Variants in CWF19L2 observed in about 807,000 individuals in gnomAD.
The protein encoded by CWF19L2 is CWF19 like cell cycle control factor 2.
A neutral mutation model predicts 111.7 loss-of-function variants in CWF19L2; 98 were observed. That is an observed-to-expected ratio of 0.88 (90% CI 0.75 to 1.04). CWF19L2 has a LOEUF of 1.04. Ranked by LOEUF, CWF19L2 falls within the 50% of genes least tolerant of loss-of-function variation. CWF19L2 has a pLI of 0.00. For missense variants in CWF19L2, 1,101 were observed against 1,051.4 expected (o/e 1.05, Z -0.65); for synonymous variants, 351 against 342.9 (o/e 1.02, Z -0.26).
At chr11:107,375,469 A>C (rs1860584247) in intron 12 of CWF19L2, among the ~76,000 whole-genome samples, 1 of 138,538 alleles carries the variant, frequency 7.2e-6, no homozygotes. Context: ...TAAGAATCTC[A>C]CTCAAAACCG....
At chr11:107,401,059 C>T (rs186617523) in intron 10 of CWF19L2, among the ~76,000 whole-genome samples, 91 of 152,268 alleles carry the variant, frequency 6.0e-4, no homozygotes, top group Non-Finnish European at 1.2e-3. Context: ...ATACAAGGGA[C>T]ATACCTTAAT....
chr11:107,331,144 T>A (rs1313637355), intron 16 of CWF19L2, among the ~76,000 whole-genome samples: 4 of 152,316 alleles, frequency 2.6e-5, no homozygotes, highest in Admixed American at 6.5e-5. Flanking sequence ...TCCACATTTT[T>A]AAATATAATA....
intron 6 of CWF19L2, among the ~76,000 whole-genome samples, chr11:107,438,432 A>G (rs1300095438): frequency 3.3e-5 from 5 of 152,218 alleles, no homozygotes; most frequent in Non-Finnish European, 7.4e-5. Flanking sequence ...CTGAATATAC[A>G]AACCACATCT....
At chr11:107,420,412 C>T (rs576185466) in intron 8 of CWF19L2, among the ~76,000 whole-genome samples, 2 of 152,086 alleles carry the variant, frequency 1.3e-5, no homozygotes, top group South Asian at 4.1e-4. Context: ...AACAATATTA[C>T]CAGGGACAAA....
chr11:107,442,520 A>C (rs1016827618), intron 4 of CWF19L2, among the ~76,000 whole-genome samples: 1 of 103,928 alleles, frequency 9.6e-6, no homozygotes, highest in Non-Finnish European at 1.9e-5. Flanking sequence ...CCAACTCTAC[A>C]CAAAATAAAA....
intron 12 of CWF19L2, among the ~76,000 whole-genome samples, chr11:107,375,292 C>G (rs1860581791): frequency 7.4e-6 from 1 of 135,470 alleles, no homozygotes; most frequent in Non-Finnish European, 1.6e-5. Context: ...CTACAGAACT[C>G]TCCACCCCAA....
intron 1 of CWF19L2, among the ~76,000 whole-genome samples, chr11:107,456,216 C>T (rs1185334817): frequency 6.6e-6 from 1 of 152,170 alleles, no homozygotes; most frequent in African/African-American, 2.4e-5. Context: ...GAAGAATCAT[C>T]TCTGTATAAA....
At chr11:107,424,943 C>G (rs1861352955) in intron 8 of CWF19L2, among the ~76,000 whole-genome samples, 2 of 151,766 alleles carry the variant, frequency 1.3e-5, no homozygotes, top group Non-Finnish European at 2.9e-5. Flanking sequence ...AGCAAAGACA[C>G]TGTTCTACAG....
intron 12 of CWF19L2, among the ~76,000 whole-genome samples, chr11:107,387,485 T>C (rs1040807931): frequency 1.2e-4 from 18 of 144,640 alleles, no homozygotes; most frequent in African/African-American, 4.6e-4. Context: ...AAAAAAAACC[T>C]TCAAATGGCT....
chr11:107,403,236 T>TA (rs1003957568), intron 10 of CWF19L2, among the ~76,000 whole-genome samples: 7 of 150,212 alleles, frequency 4.7e-5, no homozygotes, highest in African/African-American at 1.5e-4. Flanking sequence ...ACCACTGGTA[T>TA]AAAAAAAAAT....
chr11:107,393,378 A>G (rs968019103), intron 10 of CWF19L2, among the ~76,000 whole-genome samples: 32 of 152,182 alleles, frequency 2.1e-4, no homozygotes, highest in African/African-American at 7.7e-4. Flanking sequence ...CTGACTCTTC[A>G]GAAGGAATTA....
chr11:107,390,232 T>C (rs1194518624), intron 11 of CWF19L2, 21 bp from the exon 12 acceptor site: 4 of 1,557,438 alleles, frequency 2.6e-6, no homozygotes, highest in Non-Finnish European at 3.5e-6. Flanking sequence ...ATGAACATTA[T>C]TAATTTAATG....
chr11:107,398,280 C>G (rs496587), intron 10 of CWF19L2, among the ~76,000 whole-genome samples: 1 of 151,964 alleles, frequency 6.6e-6, no homozygotes, highest in African/African-American at 2.4e-5. Flanking sequence ...AAATCTGAAA[C>G]ATGATACAAG....
chr11:107,404,619 C>T, intron 10 of CWF19L2: 1 of 551,604 alleles, frequency 1.8e-6, no homozygotes, highest in East Asian at 3.7e-5. Context: ...TCTGGCTTCG[C>T]TTCCCTTTGT....
At chr11:107,408,105 T>TG (rs1360694255) in intron 10 of CWF19L2, among the ~76,000 whole-genome samples, 1 of 152,070 alleles carries the variant, frequency 6.6e-6, no homozygotes, top group East Asian at 1.9e-4. Context: ...ATTCTCTGGA[T>TG]GCCCAGATTG....
intron 10 of CWF19L2, among the ~76,000 whole-genome samples, chr11:107,411,086 CGTG>C (rs1861150744): frequency 1.7e-5 from 1 of 60,488 alleles, no homozygotes; most frequent in African/African-American, 7.2e-5. Context: ...TGCGCGCGTG[CGTG>C]CACACACACA....
At chr11:107,363,432 G>C (rs1193488912) in intron 12 of CWF19L2, among the ~76,000 whole-genome samples, 1 of 151,922 alleles carries the variant, frequency 6.6e-6, no homozygotes, top group South Asian at 2.1e-4. Context: ...GAAAGGTCGG[G>C]TTACCCTCAA....
rs539751197 is a variant in CWF19L2, at chr11:107,368,528, T to C, written c.1873-14792A>G. Among the ~76,000 whole-genome samples the C allele has an allele frequency of 1.5e-3, 209 of 137,978 alleles. 40 individuals carry two copies. The highest frequency in any genetic ancestry group is 2.6e-3 in the Non-Finnish European group (167 of 64,252). The allele number at this position is 137,978 out of a possible 152,430, so 90.5% of individuals were successfully genotyped here. A position where few individuals can be genotyped will look rare whatever the true frequency, so the allele number is the denominator to read the frequency against. ...AGTAACTACTAAACTTCATGAATAA[T>C]CATATACAGAAGAGAAGAAAGATAT... On this transcript the variant is annotated intron_variant, in intron 12 of 17. Transcript: ENST00000282251.
chr11:107,389,257 T>G (rs1301487964), intron 12 of CWF19L2, among the ~76,000 whole-genome samples: 2 of 152,350 alleles, frequency 1.3e-5, no homozygotes, highest in East Asian at 3.9e-4. Context: ...CATTTTTTTC[T>G]GTAAAAAGCC....
Sources: gnomAD v4.1 joint callset for allele counts (sites outside exome capture counted in the v4.1 genomes callset) on GRCh38, gnomAD v4.1.1 for gene constraint, MANE v1.5 for transcripts, NCBI Gene and HGNC (gene_info 2026-07-23, HGNC 2026-07-21) for gene names.